Variants in PDZRN4 observed in about 807,000 individuals in gnomAD.
The protein encoded by PDZRN4 is PDZ domain-containing RING finger protein 4.
In PDZRN4, 70 loss-of-function variants were observed where a neutral mutation model predicts 99.0. That is an observed-to-expected ratio of 0.71 (90% confidence interval 0.58 to 0.86). The LOEUF is 0.86. Ranked by LOEUF, PDZRN4 falls within the 40% of genes least tolerant of loss-of-function variation. PDZRN4 has a pLI of 0.00. For synonymous variants in PDZRN4, 551 were observed against 501.6 expected (o/e 1.10, Z -1.32); for missense variants, 1,474 against 1,331.2 (o/e 1.11, Z -1.67).
chr12:41,433,645 G>A (rs1211574736), intron 3 of PDZRN4, among the ~76,000 whole-genome samples: 1 of 152,126 alleles, frequency 6.6e-6, no homozygotes, highest in Non-Finnish European at 1.5e-5. Flanking sequence ...TTCCACACTG[G>A]CACAGGAAAA....
intron 3 of PDZRN4, among the ~76,000 whole-genome samples, chr12:41,413,513 GA>G (rs931567409): frequency 1.2e-4 from 19 of 152,078 alleles, no homozygotes; most frequent in African/African-American, 4.6e-4. Context: ...TAGCTAGAAG[GA>G]GGATTGAATG....
chr12:41,571,655 G>A (rs1345425296), intron 9 of PDZRN4, among the ~76,000 whole-genome samples: 1 of 152,052 alleles, frequency 6.6e-6, no homozygotes, highest in Non-Finnish European at 1.5e-5. Context: ...AGTGCACTGA[G>A]GTCAGAGCAC....
At chr12:41,192,011 C>A (rs576925371) in intron 2 of PDZRN4, among the ~76,000 whole-genome samples, 1 of 151,970 alleles carries the variant, frequency 6.6e-6, no homozygotes, top group Non-Finnish European at 1.5e-5. Flanking sequence ...TTGAACTCCT[C>A]ACCCCAAGTG....
intron 3 of PDZRN4, among the ~76,000 whole-genome samples, 164 bp downstream of exon 3, chr12:41,194,352 T>G (rs1950758168): frequency 6.6e-6 from 1 of 152,186 alleles, no homozygotes; most frequent in South Asian, 2.1e-4. Context: ...AATGTAAAAG[T>G]CACTGGGAGA....
Position 41,447,535 on chromosome 12 carries a change from G to GT in PDZRN4, c.844-58914dup, listed in dbSNP as rs199934301. Among the ~76,000 whole-genome samples, 938 of 152,118 alleles carry GT rather than the reference G, an allele frequency of 6.2e-3. 13 individuals carry two copies. The highest frequency in any genetic ancestry group is 0.022 in the African/African-American group (896 of 41,504). On this transcript the variant is annotated intron_variant, in intron 3 of 9. Transcript: ENST00000402685. ...AATTGATAAGTCTGAACCTGTAAGT[G>GT]TTTTTTTGAGGATTAAATGACACAA...
In PDZRN4 at chr12:41,509,895, A is replaced by G; in HGVS notation, c.1185A>G (p.Thr395=). ...GCTTGCCTGCTGATGCAGACAGAAC[A>G]GAAGACTTTGAATATGAGGTAAGGT... ...ISSLPADADR[T]EDFEYEEVEL... The change falls in exon 5 of 10, where the codon ACA becomes ACG. Residue 395 remains threonine (T), a synonymous_variant. Coordinates refer to ENST00000402685, the MANE Select transcript of PDZRN4 (RefSeq NM_001164595.2). 1 of 1,572,362 alleles carries G rather than the reference A, an allele frequency of 6.4e-7. No homozygotes were observed. The highest frequency in any genetic ancestry group is 8.7e-7 in the Non-Finnish European group (1 of 1,146,958).
chr12:41,325,724 G>C (rs10785232), intron 3 of PDZRN4, among the ~76,000 whole-genome samples: 101,810 of 152,056 alleles, frequency 0.67, 37,303 homozygotes, highest in Middle Eastern at 0.82. Flanking sequence ...TCAAACCTTA[G>C]ATATGGTGAA....
chr12:41,458,227 G>T (rs1353224963), intron 3 of PDZRN4, among the ~76,000 whole-genome samples: 1 of 152,092 alleles, frequency 6.6e-6, no homozygotes, highest in Non-Finnish European at 1.5e-5. Context: ...GCACAATCTC[G>T]ACTCACTGCA....
chr12:41,367,712 A>C (rs1166220240), intron 3 of PDZRN4, among the ~76,000 whole-genome samples: 1 of 152,084 alleles, frequency 6.6e-6, no homozygotes, highest in Non-Finnish European at 1.5e-5. Flanking sequence ...ATAGCTATGA[A>C]AAAATTCAAA....
At chr12:41,492,044 C>T (rs1160131173) in intron 3 of PDZRN4, among the ~76,000 whole-genome samples, 2 of 152,088 alleles carry the variant, frequency 1.3e-5, no homozygotes, top group African/African-American at 4.8e-5. Flanking sequence ...AATTGATTAG[C>T]GTATCAAGCA....
In PDZRN4 at chr12:41,257,924, T is replaced by G. The variant is rs1041464757; in HGVS notation, c.843+63736T>G. Among the ~76,000 whole-genome samples the G allele has an allele frequency of 3.3e-5, 5 of 152,360 alleles. No homozygotes were observed. In the East Asian group the frequency reaches 9.6e-4, roughly 29 times the overall value. On this transcript the variant is annotated intron_variant, in intron 3 of 9. Transcript: ENST00000402685. Reference sequence around the variant, plus strand: ...GAAGGTAACATTAATTCAGCACTTATGTACCTCTGCTAATGCTTTTGATGT... The same window carrying G: ...GAAGGTAACATTAATTCAGCACTTAGGTACCTCTGCTAATGCTTTTGATGT...
intron 3 of PDZRN4, among the ~76,000 whole-genome samples, chr12:41,428,818 G>C (rs1952561933): frequency 6.6e-6 from 1 of 152,154 alleles, no homozygotes; most frequent in Non-Finnish European, 1.5e-5. Flanking sequence ...CTGGCTGAGA[G>C]AAGATGATAT....
chr12:41,352,698 T>C (rs1951899589), intron 3 of PDZRN4, among the ~76,000 whole-genome samples: 1 of 152,096 alleles, frequency 6.6e-6, no homozygotes, highest in African/African-American at 2.4e-5. Flanking sequence ...AGGTGGGTGA[T>C]TCAGAATTTA....
chr12:41,568,045 A>C (rs1489579429), intron 9 of PDZRN4, 146 bp downstream of exon 9: 5 of 593,164 alleles, frequency 8.4e-6, no homozygotes, highest in Non-Finnish European at 3.0e-6. Flanking sequence ...TGATCATCTC[A>C]AATGAAGCAG....
chr12:41,191,064 A>G (rs1023051240), intron 1 of PDZRN4, among the ~76,000 whole-genome samples: 1 of 152,208 alleles, frequency 6.6e-6, no homozygotes, highest in African/African-American at 2.4e-5. Context: ...AAAATTTTAC[A>G]CTATTGATAA....
chr12:41,314,983 A>T (rs1299606252), intron 3 of PDZRN4, among the ~76,000 whole-genome samples: 1 of 152,132 alleles, frequency 6.6e-6, no homozygotes, highest in African/African-American at 2.4e-5. Context: ...GAGGTCACCT[A>T]GGAGAACTTG....
At chr12:41,455,185 T>C (rs1461771863) in intron 3 of PDZRN4, among the ~76,000 whole-genome samples, 1 of 152,210 alleles carries the variant, frequency 6.6e-6, no homozygotes, top group Non-Finnish European at 1.5e-5. Flanking sequence ...TTTGTTTAAA[T>C]GTGTAGTGCT....
intron 3 of PDZRN4, among the ~76,000 whole-genome samples, chr12:41,397,640 G>A (rs1952258846): frequency 6.6e-6 from 1 of 151,940 alleles, no homozygotes; most frequent in Non-Finnish European, 1.5e-5. Flanking sequence ...TAAATCTTGG[G>A]AAAAATCCAG....
chr12:41,281,248 A>C (rs1257585451), intron 3 of PDZRN4, among the ~76,000 whole-genome samples: 1 of 151,352 alleles, frequency 6.6e-6, no homozygotes. Context: ...ATAAATCCAC[A>C]AAGATGAGGA....
Sources: allele counts gnomAD v4.1 joint callset (sites outside exome capture counted in the v4.1 genomes callset), GRCh38; gene constraint gnomAD v4.1.1; transcripts MANE v1.5; gene names NCBI Gene and HGNC (gene_info 2026-07-23, HGNC 2026-07-21).